The following ITGA2 variants were observed in gnomAD, a reference collection of about 807,000 sequenced individuals.
The protein encoded by ITGA2 is integrin subunit alpha 2, also known as integrin alpha-2.
Under a neutral mutation model 146.3 loss-of-function variants are expected in ITGA2, and 101 were observed. The observed-to-expected ratio is 0.69, with a 90% CI of 0.59 to 0.81. The LOEUF is 0.81. Among genes scored for constraint, ITGA2 ranks in the 40% least tolerant of loss-of-function variants. The pLI is 0.00. For missense variants in ITGA2, 1,281 were observed against 1,402.7 expected (o/e 0.91, Z 1.39); for synonymous variants, 477 against 487.1 (o/e 0.98, Z 0.27).
rs3212617 is a variant in ITGA2, at chr5:53,081,351, T to A, written c.3040-241T>A. 0.037 allele frequency among the ~76,000 whole-genome samples: 5,583 copies of A among 152,286 alleles called. 162 individuals are homozygous for A. The highest frequency in any genetic ancestry group is 0.055 in the Non-Finnish European group (3,771 of 68,010). On this transcript the variant is annotated intron_variant, in intron 25 of 29. Coordinates refer to ENST00000296585, the MANE Select transcript of ITGA2 (RefSeq NM_002203.4). The stretch of plus-strand genomic sequence containing the variant: ...TTCACAGTGTTTAGCTATTGCAGAT[T>A]TGCCTCATCATATGTGGGCTATAAA...
chr5:53,021,775 C>G (rs181804280), intron 1 of ITGA2, among the ~76,000 whole-genome samples: 1 of 152,298 alleles, frequency 6.6e-6, no homozygotes, highest in East Asian at 1.9e-4. Context: ...ATTGTTCCCC[C>G]TAGAAGTGCA....
At chr5:53,043,778 G>T (rs886775320) in intron 3 of ITGA2, among the ~76,000 whole-genome samples, 3 of 152,142 alleles carry the variant, frequency 2.0e-5, no homozygotes, top group African/African-American at 7.2e-5. Flanking sequence ...AATGTCATTT[G>T]TACCTGAGAA....
At chr5:52,996,787 G>T (rs768994742) in intron 1 of ITGA2, among the ~76,000 whole-genome samples, 2 of 152,136 alleles carry the variant, frequency 1.3e-5, no homozygotes, top group Admixed American at 6.5e-5. Context: ...TAGAAATATA[G>T]ATTTATGTTT....
At chr5:53,076,115 A>G (rs941507986) in intron 23 of ITGA2, among the ~76,000 whole-genome samples, 7 of 151,998 alleles carry the variant, frequency 4.6e-5, no homozygotes, top group Non-Finnish European at 1.0e-4. Flanking sequence ...GCACAGACAA[A>G]CTGGAACACA....
intron 8 of ITGA2, 32 bp from the exon 9 acceptor site, chr5:53,055,952 A>G: frequency 1.3e-6 from 2 of 1,595,704 alleles, no homozygotes; most frequent in Non-Finnish European, 1.7e-6. Context: ...TACAGCAGTA[A>G]TGACTGCACA....
intron 2 of ITGA2, among the ~76,000 whole-genome samples, chr5:53,028,419 A>G (rs530242132): frequency 6.6e-6 from 1 of 152,306 alleles, no homozygotes; most frequent in East Asian, 1.9e-4. Flanking sequence ...CTGGTTGGAA[A>G]CCAAAGATTG....
intron 1 of ITGA2, among the ~76,000 whole-genome samples, chr5:52,995,624 A>G (rs1741204001): frequency 6.6e-6 from 1 of 152,224 alleles, no homozygotes; most frequent in Non-Finnish European, 1.5e-5. Flanking sequence ...AAAGATGATC[A>G]GTTCAGGTCA....
Position 53,074,209 on chromosome 5 carries a change from T to C in ITGA2, c.2572-176T>C, listed in dbSNP as rs1348662769. On this transcript the variant is annotated intron_variant, in intron 20 of 29. Coordinates refer to ENST00000296585, the MANE Select transcript of ITGA2 (RefSeq NM_002203.4). ...GTATCTTTAGGGTTAGCAATAAAAG[T>C]AGTATATTAGCCACCTGGGCAGTAT... Among the ~76,000 whole-genome samples, 3 of 151,964 alleles carry C rather than the reference T, an allele frequency of 2.0e-5. No individual in the cohort carries two copies. The East Asian group carries it at 5.8e-4, about 29-fold the overall frequency.
chr5:53,020,199 A>G (rs915143833), intron 1 of ITGA2, among the ~76,000 whole-genome samples: 2 of 152,258 alleles, frequency 1.3e-5, no homozygotes, highest in African/African-American at 4.8e-5. Flanking sequence ...CTGTTTATTA[A>G]CTGTGTGTAT....
At chr5:53,035,943 C>A (rs1180378640) in intron 2 of ITGA2, among the ~76,000 whole-genome samples, 1 of 152,128 alleles carries the variant, frequency 6.6e-6, no homozygotes, top group Non-Finnish European at 1.5e-5. Context: ...CTCCCCCTAT[C>A]GCAAAATCTT....
intron 10 of ITGA2, among the ~76,000 whole-genome samples, chr5:53,058,463 C>T (rs1221148131): frequency 2.6e-5 from 4 of 151,774 alleles, no homozygotes; most frequent in African/African-American, 7.3e-5. Context: ...TTGTCATCAC[C>T]GTCATGGTCG....
intron 11 of ITGA2, among the ~76,000 whole-genome samples, chr5:53,060,246 T>C (rs1041875102): frequency 3.3e-5 from 5 of 151,960 alleles, no homozygotes; most frequent in Admixed American, 2.6e-4. Context: ...TTGTAATTCC[T>C]GGAACATGAT....
intron 23 of ITGA2, among the ~76,000 whole-genome samples, chr5:53,077,201 T>A (rs1436550953): frequency 6.6e-6 from 1 of 152,100 alleles, no homozygotes; most frequent in Non-Finnish European, 1.5e-5. Context: ...ATGTAACCAA[T>A]TCAATATTAA....
chr5:53,075,826 A>G (rs572110433), intron 23 of ITGA2, among the ~76,000 whole-genome samples: 1 of 152,132 alleles, frequency 6.6e-6, no homozygotes, highest in Admixed American at 6.6e-5. Flanking sequence ...TTCTGAGGGA[A>G]AAATTCCTCA....
At chr5:53,072,575 C>T (rs1322805610) in intron 18 of ITGA2, 38 bp from the exon 19 acceptor site, 1 of 1,517,796 alleles carries the variant, frequency 6.6e-7, no homozygotes, top group Non-Finnish European at 9.1e-7. Flanking sequence ...TTTTTCAACC[C>T]AAGAGCAAAT....
chr5:53,070,341 T>G (rs1745332267), intron 17 of ITGA2, 81 bp downstream of exon 17: 1 of 1,421,256 alleles, frequency 7.0e-7, no homozygotes, highest in African/African-American at 1.4e-5. Context: ...TGGAAGCTTA[T>G]GAGTTAGAAA....
At chr5:53,078,609 G>A (rs746560394) in intron 23 of ITGA2, among the ~76,000 whole-genome samples, 163 bp from the exon 24 acceptor site, 3 of 152,118 alleles carry the variant, frequency 2.0e-5, no homozygotes, top group Admixed American at 6.6e-5. Flanking sequence ...ACATACATTG[G>A]ACGATAAGCC....
intron 1 of ITGA2, among the ~76,000 whole-genome samples, chr5:53,002,083 C>T (rs912515609): frequency 6.6e-6 from 1 of 152,004 alleles, no homozygotes; most frequent in African/African-American, 2.4e-5. Context: ...AAATTCTCCT[C>T]ATACTATTTA....
chr5:53,020,853 T>C (rs1156682009), intron 1 of ITGA2, among the ~76,000 whole-genome samples: 1 of 149,790 alleles, frequency 6.7e-6, no homozygotes. Context: ...GGCTAATTTT[T>C]TTTTTTTTTT....
Sources: gnomAD v4.1 joint callset for allele counts (sites outside exome capture counted in the v4.1 genomes callset) on GRCh38, gnomAD v4.1.1 for gene constraint, MANE v1.5 for transcripts, NCBI Gene and HGNC (gene_info 2026-07-23, HGNC 2026-07-21) for gene names.